DNAH1: variants seen among roughly 807,000 people sequenced by gnomAD.
The protein encoded by DNAH1 is axonemal beta dynein heavy chain 1.
A neutral mutation model predicts 484.3 loss-of-function variants in DNAH1; 327 were observed. The observed-to-expected ratio is 0.68, with a 90% CI of 0.62 to 0.74. DNAH1 has a LOEUF of 0.74. Among genes scored for constraint, DNAH1 ranks in the 30% least tolerant of loss-of-function variants. The pLI is 0.00. For synonymous variants in DNAH1, 2,192 were observed against 2,191.9 expected (o/e 1.00, Z 0.00); for missense variants, 5,052 against 5,546.8 (o/e 0.91, Z 2.83).
At chr3:52,330,585 T>C (rs1346485286) in intron 6 of DNAH1, among the ~76,000 whole-genome samples, 1 of 151,890 alleles carries the variant, frequency 6.6e-6, no homozygotes, top group African/African-American at 2.4e-5. Context: ...GGGGCAGCGG[T>C]GGGAGGTAAG....
chr3:52,346,613 A>T lies in DNAH1; in HGVS notation c.1798A>T (p.Met600Leu). The change falls in exon 11 of 78, where the codon ATG (methionine) becomes TTG (leucine). Residue 600 changes from methionine (M) to leucine (L), a missense_variant. By Grantham distance (15) the Met-to-Leu change is conservative (BLOSUM62 2). Coordinates refer to ENST00000420323, the MANE Select transcript of DNAH1 (RefSeq NM_015512.5). Reference protein sequence around the residue: ...VYLMSKLRKLMELVKYMLQDT... With the variant: ...VYLMSKLRKLLELVKYMLQDT... The stretch of plus-strand genomic sequence containing the variant: ...CCTCATGTCCAAGCTGCGCAAGCTG[A>T]TGGAGCTGGTGAAGTACATGCTGCA... 6.2e-7 allele frequency: 1 copy of T among 1,614,056 alleles called. No homozygotes were observed. Among genetic ancestry groups the T allele is most frequent in the Non-Finnish European group, 8.5e-7 (1 of 1,179,890 alleles).
chr3:52,345,339 G>A lies in DNAH1; in HGVS notation c.1445-156G>A, dbSNP rs182486765. Among the ~76,000 whole-genome samples the A allele has an allele frequency of 1.2e-4, 19 of 152,216 alleles. No individual in the cohort carries two copies. In the East Asian group the frequency reaches 3.1e-3, roughly 25 times the overall value. ...CACTGAAGAGCTTCAGTGCCACTCC[G>A]GCAAACTATGGAAAGGCGGGGCTCT... On this transcript the variant is annotated intron_variant, in intron 9 of 77. Coordinates refer to ENST00000420323, the MANE Select transcript of DNAH1 (RefSeq NM_015512.5).
chr3:52,374,722 G>T, intron 44 of DNAH1: 2 of 1,316,324 alleles, frequency 1.5e-6, no homozygotes, highest in Non-Finnish European at 2.2e-6. Context: ...ATAATACATG[G>T]CTTGATATAC....
intron 66 of DNAH1, 149 bp downstream of exon 66, chr3:52,393,634 AG>A: frequency 8.0e-7 from 1 of 1,243,924 alleles, no homozygotes. Flanking sequence ...AAAAGCAGCC[AG>A]GGCCGGGCAC....
chr3:52,399,780 G>T lies in DNAH1; in HGVS notation c.12676+1G>T. 1 of 1,613,454 alleles carries T rather than the reference G, an allele frequency of 6.2e-7. No homozygotes were observed. The highest frequency in any genetic ancestry group is 8.5e-7 in the Non-Finnish European group (1 of 1,179,622). ...ATCTACAAGACACTGACTCGTGCTG[G>T]TATGAGGCCTGGGATGGGAGCCTAC... On this transcript the variant is annotated splice_donor_variant, in intron 77 of 77. Transcript: ENST00000420323. LOFTEE classifies it high-confidence loss of function.
At position 52,352,672 on chromosome 3, in the gene DNAH1, A is replaced by G. The variant is rs1042476924; in HGVS notation, c.2992A>G (p.Asn998Asp). ...DCQQLAMLYNNRERIFSLPIT... is the reference protein window; with the variant it reads ...DCQQLAMLYNDRERIFSLPIT... ...CCAGCAGCTGGCCATGCTCTACAAC[A>G]ACCGCGAGCGCATCTTCAGCTTGCC... Residue 998 changes from asparagine (N) to aspartate (D), a missense_variant, in exon 18 of 78, where the codon AAC becomes GAC. By Grantham distance (23) the Asn-to-Asp change is conservative (BLOSUM62 1). Around this residue, in one of 4 missense-constraint regions of DNAH1, gnomAD observed 2,929 missense variants for 3,409.4 expected, o/e 0.86. Coordinates refer to ENST00000420323, the MANE Select transcript of DNAH1 (RefSeq NM_015512.5). The G allele has an allele frequency of 2.5e-6, 4 of 1,610,150 alleles. No homozygotes were observed. Among genetic ancestry groups the G allele is most frequent in the Non-Finnish European group, 3.4e-6 (4 of 1,177,148 alleles).
At chr3:52,330,956 G>T (rs993388418) in intron 6 of DNAH1, among the ~76,000 whole-genome samples, 192 bp from the exon 7 acceptor site, 1 of 152,220 alleles carries the variant, frequency 6.6e-6, no homozygotes, top group African/African-American at 2.4e-5. Flanking sequence ...GCAGCACGGG[G>T]TTCCTCAGAG....
chr3:52,381,842 C>A lies in DNAH1; in HGVS notation c.7805+6C>A. Reference sequence around the variant, plus strand: ...ACAAGGCTCGCCTCGCACATGTGAGCGCCTCCAGGGCGTGCTGGGCAGTGG... The same window carrying A: ...ACAAGGCTCGCCTCGCACATGTGAGAGCCTCCAGGGCGTGCTGGGCAGTGG... On this transcript the variant is annotated splice_donor_region_variant and intron_variant, in intron 49 of 77. Transcript: ENST00000420323. This position sits in a 1 kb window ranked among gnomAD's most constrained non-coding sequence, Gnocchi z 4.1. 1 of 1,575,330 alleles carries A rather than the reference C, an allele frequency of 6.3e-7. No individual in the cohort carries two copies. The highest frequency in any genetic ancestry group is 8.6e-7 in the Non-Finnish European group (1 of 1,160,180).
intron 46 of DNAH1, among the ~76,000 whole-genome samples, chr3:52,376,622 C>A (rs1334564626): frequency 2.0e-5 from 3 of 152,174 alleles, no homozygotes; most frequent in Admixed American, 6.5e-5. Flanking sequence ...CACCAGTGCT[C>A]CCTTCGCCAC....
At chr3:52,345,871 T>G (rs1438866355) in intron 10 of DNAH1, among the ~76,000 whole-genome samples, 165 bp downstream of exon 10, 1 of 152,136 alleles carries the variant, frequency 6.6e-6, no homozygotes, top group African/African-American at 2.4e-5. Flanking sequence ...CTAGACCTTA[T>G]TGGAGGCTGG....
rs907578208 is a variant in DNAH1, at chr3:52,346,520, A to T, written c.1705A>T (p.Met569Leu). The change falls in exon 11 of 78, where the codon ATG becomes TTG. Residue 569 changes from methionine (M) to leucine (L), a missense_variant. This residue lies in a region of DNAH1 where 1,263 missense variants were observed against 1,218.8 expected (regional missense o/e 1.04). Transcript: ENST00000420323. ...DSWISSLKVA[M>L]RSSLRDMSKG... is the part of the protein sequence containing the mutation. ...CTGGATCAGCTCGCTAAAGGTGGCC[A>T]TGCGCAGCAGCCTGCGCGACATGAG... 6.2e-7 allele frequency: 1 copy of T among 1,613,694 alleles called. No homozygotes were observed. Among genetic ancestry groups the T allele is most frequent in the Admixed American group, 1.7e-5 (1 of 59,966 alleles).
In DNAH1 at chr3:52,353,243, C is replaced by T. The variant is rs1323452473; in HGVS notation, c.3168C>T (p.Asn1056=). 10 of 1,613,858 alleles carry T rather than the reference C, an allele frequency of 6.2e-6. No homozygotes were observed. Among genetic ancestry groups the T allele is most frequent in the African/African-American group, 2.7e-5 (2 of 74,918 alleles). Residue 1056 remains asparagine (N), a synonymous_variant, in exon 19 of 78, where the codon AAC becomes AAT. Transcript: ENST00000420323. The surrounding 1 kb of genome is among the most constrained non-coding windows in gnomAD (Gnocchi z 5.0). ...TCGATGCTGAGCAGCTGGAGAAGAACGTGGTTGAAGCCTTCAAGACCATGC... is the reference window on the plus strand; with the variant it reads ...TCGATGCTGAGCAGCTGGAGAAGAATGTGGTTGAAGCCTTCAAGACCATGC... ...SAIDAEQLEK[N]VVEAFKTMHK... is the part of the protein sequence containing the mutation.
At chr3:52,311,749 G>A (rs1700766420), upstream of DNAH1, among the ~76,000 whole-genome samples, 1 of 152,182 alleles carries the variant, frequency 6.6e-6, no homozygotes, top group African/African-American at 2.4e-5. Context: ...TGGCAACCTG[G>A]TGGGGTTGCT....
At chr3:52,350,414 C>T (rs1702326926) in intron 15 of DNAH1, 94 bp from the exon 16 acceptor site, 3 of 1,231,702 alleles carry the variant, frequency 2.4e-6, no homozygotes, top group East Asian at 2.5e-5. Flanking sequence ...AAGAGAGCAG[C>T]CCCTCTCTAG....
rs114066123 is a variant in DNAH1 at position 52,353,276 on chromosome 3, C to G, written c.3201C>G (p.Cys1067Trp). Reference sequence around the variant, plus strand: ...AAGCCTTCAAGACCATGCACAAGTGCGTGAAGCAGTTTAAGGACATGCCAG... The same window carrying G: ...AAGCCTTCAAGACCATGCACAAGTGGGTGAAGCAGTTTAAGGACATGCCAG... ...VVEAFKTMHKCVKQFKDMPAC... is the reference protein window; with the variant it reads ...VVEAFKTMHKWVKQFKDMPAC... Residue 1067 changes from cysteine to tryptophan, a missense_variant, in exon 19 of 78, where the codon TGC becomes TGG. Around this residue, in one of 4 missense-constraint regions of DNAH1, gnomAD observed 2,929 missense variants for 3,409.4 expected, o/e 0.86. Transcript: ENST00000420323. The surrounding 1 kb of genome is among the most constrained non-coding windows in gnomAD (Gnocchi z 5.0). 1 of 1,613,862 alleles carries G rather than the reference C, an allele frequency of 6.2e-7. No homozygotes were observed. Among genetic ancestry groups the G allele is most frequent in the Non-Finnish European group, 8.5e-7 (1 of 1,179,846 alleles).
chr3:52,372,947 C>G lies in DNAH1; in HGVS notation c.6879C>G (p.Ile2293Met). The G allele has an allele frequency of 6.2e-7, 1 of 1,613,832 alleles. No homozygotes were observed. The highest frequency in any genetic ancestry group is 1.1e-5 in the South Asian group (1 of 91,080). ...TGGGGCGCAACTTTATCTTCTTCAT[C>G]GATGACCTGAACATGCCGGCCCTGG... is the stretch of plus-strand genomic sequence containing the variant. ...PPLGRNFIFFIDDLNMPALET... is the reference protein window; with the variant it reads ...PPLGRNFIFFMDDLNMPALET... The change falls in exon 44 of 78, where the codon ATC (isoleucine) becomes ATG (methionine). Residue 2293 changes from isoleucine to methionine, a missense_variant. Ile to Met is a conservative substitution (Grantham distance 10). Transcript: ENST00000420323.
intron 8 of DNAH1, among the ~76,000 whole-genome samples, chr3:52,343,619 C>G (rs1397394406): frequency 6.6e-6 from 1 of 152,134 alleles, no homozygotes; most frequent in Non-Finnish European, 1.5e-5. Flanking sequence ...CTCCAACATC[C>G]CGCAGCTCTG....
At chr3:52,388,048 T>A in intron 56 of DNAH1, 119 bp from the exon 57 acceptor site, 1 of 1,290,558 alleles carries the variant, frequency 7.7e-7, no homozygotes, top group Non-Finnish European at 1.1e-6. Flanking sequence ...GAATCTGTAC[T>A]GAGGCCTGCA....
rs774513441 is a variant in DNAH1, at chr3:52,395,687, C to T, written c.11259+9C>T. On this transcript the variant is annotated intron_variant, in intron 70 of 77. Transcript: ENST00000420323. This position sits in a 1 kb window ranked among gnomAD's most constrained non-coding sequence, Gnocchi z 4.4. Reference sequence around the variant, plus strand: ...ACATCAACCCCGACAAGGTGTGTTGCCCTGCCCATCACAGACCCAGTGGGG... The same window carrying T: ...ACATCAACCCCGACAAGGTGTGTTGTCCTGCCCATCACAGACCCAGTGGGG... 30 of 1,611,864 alleles carry T rather than the reference C, an allele frequency of 1.9e-5. No homozygotes were observed. In the East Asian group the frequency reaches 5.6e-4, roughly 30 times the overall value.
Sources: allele counts gnomAD v4.1 joint callset (sites outside exome capture counted in the v4.1 genomes callset), GRCh38; gene constraint gnomAD v4.1.1; regional missense constraint gnomAD v4.1.1; non-coding constraint Gnocchi (gnomAD v3.1); transcripts MANE v1.5; gene names NCBI Gene and HGNC (gene_info 2026-07-23, HGNC 2026-07-21).